The following UNC13C variants were observed in gnomAD, a reference collection of about 807,000 sequenced individuals.
UNC13C encodes protein unc-13 homolog C.
UNC13C carries 174 observed loss-of-function variants against 245.4 expected under a neutral mutation model. That is an observed-to-expected ratio of 0.71 (90% CI 0.63 to 0.80). The LOEUF (loss-of-function observed/expected upper bound fraction) is 0.80. UNC13C is among the 30% of genes least tolerant of loss of function. The pLI is 0.00. For synonymous variants in UNC13C, 992 were observed against 895.1 expected, an observed-to-expected ratio of 1.11 and a Z score of -1.93; for missense variants, 2,829 against 2,602.9, an observed-to-expected ratio of 1.09 and a Z score of -1.89.
chr15:54,257,005 G>C (rs1232301944), intron 8 of UNC13C, among the ~76,000 whole-genome samples: 1 of 152,190 alleles, frequency 6.6e-6, no homozygotes, highest in Non-Finnish European at 1.5e-5. Context: ...GCCTAGCTAT[G>C]AGTACCAGGC....
intron 17 of UNC13C, among the ~76,000 whole-genome samples, chr15:54,355,507 C>A (rs1372271380): frequency 6.6e-6 from 1 of 152,008 alleles, no homozygotes; most frequent in Admixed American, 6.6e-5. Context: ...CAGGCACGCA[C>A]CACCAAACCT....
chr15:53,941,198 G>C, the UNC13C span, among the ~76,000 whole-genome samples: 1 of 152,126 alleles, frequency 6.6e-6, no homozygotes, highest in African/African-American at 2.4e-5. Context: ...AAAGCAATGA[G>C]AAAATGATCC....
intron 25 of UNC13C, 42 bp downstream of exon 25, chr15:54,525,679 G>T: frequency 6.7e-7 from 1 of 1,492,614 alleles, no homozygotes. Flanking sequence ...AGATAATTAG[G>T]TGTCAGTTCA....
rs142636913 is a variant in UNC13C, at chr15:54,021,827, G to A, written c.2983+5941G>A. ...CTGTACCTTTTCTATCTTTGAATAT[G>A]TTTAGAAACACAAACCTTTACCAGT... is the stretch of plus-strand genomic sequence containing the variant. On this transcript the variant is annotated intron_variant, in intron 2 of 32. Transcript: ENST00000260323. Among the ~76,000 whole-genome samples, 386 of 152,264 alleles carry A rather than the reference G, an allele frequency of 2.5e-3. 3 individuals carry two copies. Among genetic ancestry groups the A allele is most frequent in the Non-Finnish European group, 4.6e-3 (312 of 68,022 alleles).
intron 19 of UNC13C, among the ~76,000 whole-genome samples, chr15:54,466,623 T>G (rs1008742432): frequency 1.3e-5 from 2 of 151,736 alleles, no homozygotes; most frequent in Non-Finnish European, 3.0e-5. Context: ...GACAAAAAAA[T>G]TATATATGTG....
chr15:54,049,869 T>C (rs1193924430), intron 2 of UNC13C: 6 of 232,960 alleles, frequency 2.6e-5, no homozygotes, highest in Non-Finnish European at 2.7e-5. Flanking sequence ...CCATGCCTTA[T>C]ATTTACAGTC....
chr15:54,454,351 C>G (rs891112532), intron 19 of UNC13C, among the ~76,000 whole-genome samples: 1 of 151,934 alleles, frequency 6.6e-6, no homozygotes, highest in East Asian at 1.9e-4. Flanking sequence ...CCAAAGCAGG[C>G]AGATGACCTG....
chr15:54,140,043 T>A (rs1567043495), intron 2 of UNC13C, among the ~76,000 whole-genome samples: 1 of 152,176 alleles, frequency 6.6e-6, no homozygotes, highest in Admixed American at 6.5e-5. Flanking sequence ...TAATCTATTA[T>A]TTTGCCAGGA....
chr15:54,029,235 CT>C (rs1896252715), intron 2 of UNC13C, among the ~76,000 whole-genome samples: 1 of 152,212 alleles, frequency 6.6e-6, no homozygotes, highest in Non-Finnish European at 1.5e-5. Context: ...GTGCCTCTGC[CT>C]GTACTCTCTG....
chr15:54,327,818 G>C (rs1440363084), intron 14 of UNC13C, among the ~76,000 whole-genome samples: 1 of 152,018 alleles, frequency 6.6e-6, no homozygotes, highest in East Asian at 1.9e-4. Flanking sequence ...TCTTCCCAAA[G>C]AGGGTGGGAG....
At chr15:54,351,090 A>G (rs1261395417) in intron 17 of UNC13C, among the ~76,000 whole-genome samples, 1 of 152,172 alleles carries the variant, frequency 6.6e-6, no homozygotes, top group African/African-American at 2.4e-5. Flanking sequence ...GGGATGGGAC[A>G]TTTTAGTAAG....
At chr15:54,547,019 A>C (rs1896515517) in intron 27 of UNC13C, among the ~76,000 whole-genome samples, 174 bp downstream of exon 27, 1 of 152,216 alleles carries the variant, frequency 6.6e-6, no homozygotes, top group African/African-American at 2.4e-5. Context: ...TCAATTTTAA[A>C]TAATGGCAAT....
chr15:54,272,816 G>A (rs199685372), intron 10 of UNC13C, among the ~76,000 whole-genome samples: 2 of 152,042 alleles, frequency 1.3e-5, no homozygotes, highest in Non-Finnish European at 2.9e-5. Flanking sequence ...AATAAATAGC[G>A]GAAGGAGTTA....
At chr15:53,929,428 T>A in the UNC13C span, among the ~76,000 whole-genome samples, 2 of 152,130 alleles carry the variant, frequency 1.3e-5, no homozygotes, top group South Asian at 4.1e-4. Context: ...ACCAGAGACT[T>A]TTTTGGTGAG....
intron 14 of UNC13C, 28 bp downstream of exon 14, chr15:54,322,123 T>C: frequency 6.6e-7 from 1 of 1,524,546 alleles, no homozygotes; most frequent in African/African-American, 1.4e-5. Flanking sequence ...AACTTTAAAA[T>C]TCCTAGCAGC....
chr15:54,041,599 C>A (rs982649047), intron 2 of UNC13C, among the ~76,000 whole-genome samples: 1 of 152,116 alleles, frequency 6.6e-6, no homozygotes, highest in Admixed American at 6.5e-5. Context: ...GAGCATGATT[C>A]GGAGATAATT....
At chr15:54,530,655 G>T (rs894032985) in intron 25 of UNC13C, among the ~76,000 whole-genome samples, 1 of 152,124 alleles carries the variant, frequency 6.6e-6, no homozygotes, top group African/African-American at 2.4e-5. Flanking sequence ...AGTGATATTT[G>T]ATATATGCCT....
intron 19 of UNC13C, among the ~76,000 whole-genome samples, chr15:54,465,131 G>T (rs550572238): frequency 6.6e-6 from 1 of 152,080 alleles, no homozygotes; most frequent in South Asian, 2.1e-4. Context: ...CAGCTTGAAA[G>T]AAGTAATGAA....
chr15:54,241,006 G>A (rs1393307741), intron 7 of UNC13C, among the ~76,000 whole-genome samples: 2 of 152,172 alleles, frequency 1.3e-5, no homozygotes, highest in Non-Finnish European at 2.9e-5. Context: ...CTTTCATGAG[G>A]CTTACCATAC....
Sources: allele counts gnomAD v4.1 joint callset (sites outside exome capture counted in the v4.1 genomes callset), GRCh38; gene constraint gnomAD v4.1.1; transcripts MANE v1.5; gene names NCBI Gene and HGNC (gene_info 2026-07-23, HGNC 2026-07-21).